The following TMX4 variants were observed in gnomAD, a reference collection of about 807,000 sequenced individuals.
TMX4 encodes thioredoxin-related transmembrane protein 4.
In TMX4, 23 loss-of-function variants were observed where a neutral mutation model predicts 33.3. The ratio of observed to expected loss-of-function variants is 0.69; its 90% CI spans 0.50 to 0.98. The LOEUF (loss-of-function observed/expected upper bound fraction) is 0.98. Ranked by LOEUF, TMX4 falls within the 50% of genes least tolerant of loss-of-function variation. The pLI, the probability that TMX4 is intolerant of heterozygous loss-of-function variation, is 0.00. For synonymous variants in TMX4, 164 were observed against 161.5 expected (o/e 1.02, Z -0.12); for missense variants, 399 against 448.9 (o/e 0.89, Z 1.01).
intron 1 of TMX4, chr20:8,019,234 G>T (rs1009825728): frequency 8.5e-6 from 5 of 588,504 alleles, no homozygotes; most frequent in African/African-American, 8.0e-5. Context: ...TTGGTAAGGC[G>T]GGTCCGCGGA....
rs61729176 is a variant in TMX4 at position 8,001,532 on chromosome 20, C to T, written c.302G>A (p.Gly101Asp). Residue 101 changes from glycine (G) to aspartate (D), a missense_variant, in exon 3 of 8, where the codon GGC becomes GAC. Gly to Asp is a moderately conservative substitution (Grantham distance 94). Transcript: ENST00000246024. ...TGGGAGAGTGGTGACAAAGAAGCGG[C>T]CACTCAAACCTACAAGAAGCATAAA... ...VDVIQEPGLS[G>D]RFFVTTLPAF... 2.4e-5 allele frequency: 39 copies of T among 1,599,734 alleles called. No individual in the cohort carries two copies. Among genetic ancestry groups the T allele is most frequent in the African/African-American group, 1.3e-5 (1 of 74,548 alleles).
At chr20:8,018,346 G>GTCTC (rs2050786033) in intron 1 of TMX4, among the ~76,000 whole-genome samples, 1 of 86,498 alleles carries the variant, frequency 1.2e-5, no homozygotes. Flanking sequence ...AGAGAGAGAG[G>GTCTC]AGGGAGAGAG....
At chr20:7,990,943 T>C (rs1281464020) in intron 5 of TMX4, among the ~76,000 whole-genome samples, 1 of 152,198 alleles carries the variant, frequency 6.6e-6, no homozygotes, top group Non-Finnish European at 1.5e-5. Context: ...CACCACTGTC[T>C]CACTATAACA....
intron 5 of TMX4, among the ~76,000 whole-genome samples, chr20:7,991,455 C>G (rs1409618052): frequency 6.6e-6 from 1 of 152,198 alleles, no homozygotes; most frequent in African/African-American, 2.4e-5. Context: ...ATTACACTTA[C>G]CAGGTGAACA....
intron 4 of TMX4, among the ~76,000 whole-genome samples, chr20:7,996,686 T>A (rs1160501338): frequency 6.6e-6 from 1 of 152,166 alleles, no homozygotes; most frequent in Non-Finnish European, 1.5e-5. Context: ...CCTATCCATT[T>A]TGTCTTATTA....
At chr20:7,997,653 GA>G (rs2050682458) in intron 4 of TMX4, among the ~76,000 whole-genome samples, 2 of 152,128 alleles carry the variant, frequency 1.3e-5, no homozygotes, top group Non-Finnish European at 2.9e-5. Context: ...ATAAAAAAAG[GA>G]TACAGGGGCA....
At chr20:7,985,245 A>ATATGTG (rs1311791212) in intron 6 of TMX4, among the ~76,000 whole-genome samples, 17 of 144,892 alleles carry the variant, frequency 1.2e-4, no homozygotes, top group East Asian at 6.0e-4. Flanking sequence ...GTGTATATAT[A>ATATGTG]TGTGTGTGTG....
intron 3 of TMX4, 121 bp from the exon 4 acceptor site, chr20:7,999,981 A>C: frequency 2.0e-6 from 2 of 984,366 alleles, no homozygotes; most frequent in Non-Finnish European, 2.9e-6. Flanking sequence ...AATTGACTCA[A>C]TTGAAAAATA....
chr20:8,019,345 G>C, intron 1 of TMX4, 93 bp downstream of exon 1: 1 of 1,378,694 alleles, frequency 7.3e-7, no homozygotes, highest in Non-Finnish European at 9.6e-7. Flanking sequence ...TTGAGCCCAA[G>C]CGGCAATGCG....
intron 1 of TMX4, among the ~76,000 whole-genome samples, chr20:8,018,481 GGAGAGAGA>G (rs1156723197): frequency 1.5e-4 from 2 of 13,722 alleles, no homozygotes; most frequent in Non-Finnish European, 1.2e-4. Flanking sequence ...GGAGGGAGGG[GGAGAGAGA>G]GAGAGAGAGA....
At chr20:7,996,112 C>G in intron 4 of TMX4, 41 bp from the exon 5 acceptor site, 2 of 1,528,966 alleles carry the variant, frequency 1.3e-6, no homozygotes, top group African/African-American at 2.8e-5. Context: ...ATCATATATA[C>G]TATAAAAAAA....
chr20:7,998,702 C>A (rs982922218), intron 4 of TMX4, among the ~76,000 whole-genome samples: 1 of 152,182 alleles, frequency 6.6e-6, no homozygotes, highest in Admixed American at 6.5e-5. Context: ...CAAACTGGGG[C>A]TTATGCATAT....
chr20:8,019,136 A>G (rs747593934), intron 1 of TMX4: 4 of 485,384 alleles, frequency 8.2e-6, no homozygotes, highest in Non-Finnish European at 1.5e-5. Context: ...CCCCCAAAGC[A>G]AGGGGACGCG....
At chr20:7,992,729 A>G (rs1242317793) in intron 5 of TMX4, among the ~76,000 whole-genome samples, 2 of 152,136 alleles carry the variant, frequency 1.3e-5, no homozygotes, top group Non-Finnish European at 2.9e-5. Context: ...TGTGCAACCT[A>G]GCAAGTTGGC....
intron 5 of TMX4, among the ~76,000 whole-genome samples, chr20:7,993,208 T>C (rs1349810136): frequency 6.6e-6 from 1 of 152,260 alleles, no homozygotes; most frequent in Non-Finnish European, 1.5e-5. Context: ...TCTTTCCTTC[T>C]TCCATCTTTA....
At chr20:7,982,748 T>C in intron 7 of TMX4, 127 bp from the exon 8 acceptor site, 1 of 1,069,236 alleles carries the variant, frequency 9.4e-7, no homozygotes, top group Non-Finnish European at 1.3e-6. Flanking sequence ...GAAACTATGG[T>C]CATATAGGAC....
At chr20:8,016,697 C>T (rs950871857) in intron 1 of TMX4, among the ~76,000 whole-genome samples, 1 of 151,854 alleles carries the variant, frequency 6.6e-6, no homozygotes, top group African/African-American at 2.4e-5. Flanking sequence ...ATCTGTATGA[C>T]GTGGCGTATA....
Position 7,979,266 on chromosome 20 carries a change from C to G in TMX4, c.*2985G>C. 1 of 151,840 alleles carries G rather than the reference C, an allele frequency of 6.6e-6. No individual in the cohort carries two copies. Among genetic ancestry groups the G allele is most frequent in the East Asian group, 1.9e-4 (1 of 5,186 alleles). The allele number at this position is 151,840 out of a possible 1,614,324, so 9.4% of individuals were successfully genotyped here. ...GTATTGAAAACAAACCTAAAATCTT[C>G]AAGTGGAAAGATATTAAATTAAATT... is the stretch of plus-strand genomic sequence containing the variant. On this transcript the variant is annotated 3_prime_UTR_variant, in exon 8 of 8. Transcript: ENST00000246024.
At chr20:8,013,737 G>GAATAAAT (rs2050762042) in intron 1 of TMX4, 1 of 152,138 alleles carries the variant, frequency 6.6e-6, no homozygotes, top group Non-Finnish European at 1.5e-5. Flanking sequence ...TCCTAGAAAG[G>GAATAAAT]AAATTTTATT....
Sources: gnomAD v4.1 joint callset for allele counts (sites outside exome capture counted in the v4.1 genomes callset) on GRCh38, gnomAD v4.1.1 for gene constraint, MANE v1.5 for transcripts, NCBI Gene and HGNC (gene_info 2026-07-23, HGNC 2026-07-21) for gene names.